LPP: variants seen among roughly 807,000 people sequenced by gnomAD.
LPP encodes LIM domain containing preferred translocation partner in lipoma.
In LPP, 38 loss-of-function variants were observed where a neutral mutation model predicts 60.4. That is an observed-to-expected ratio of 0.63 (90% CI 0.49 to 0.83). The LOEUF (loss-of-function observed/expected upper bound fraction) is 0.83. LPP is among the 40% of genes least tolerant of loss of function. LPP has a pLI of 0.00. For missense variants in LPP, 902 were observed against 783.6 expected, an observed-to-expected ratio of 1.15 and a Z score of -1.80; for synonymous variants, 328 against 290.8, an observed-to-expected ratio of 1.13 and a Z score of -1.30.
At chr3:188,230,901 G>A (rs1719697373) in intron 2 of LPP, among the ~76,000 whole-genome samples, 1 of 152,218 alleles carries the variant, frequency 6.6e-6, no homozygotes, top group Non-Finnish European at 1.5e-5. Context: ...TGGACCTGCA[G>A]TCTCACCGGA....
chr3:188,716,325 T>C (rs1713977592), intron 8 of LPP, among the ~76,000 whole-genome samples: 1 of 152,224 alleles, frequency 6.6e-6, no homozygotes, highest in South Asian at 2.1e-4. Context: ...GGTCACTTTA[T>C]TGGTTATGCC....
chr3:188,405,018 G>T (rs150297198), intron 3 of LPP, among the ~76,000 whole-genome samples: 1 of 152,292 alleles, frequency 6.6e-6, no homozygotes, highest in East Asian at 1.9e-4. Context: ...CAGCATCTGG[G>T]CTGGGCTGAT....
At chr3:188,808,662 G>C (rs116822651) in intron 9 of LPP, among the ~76,000 whole-genome samples, 3,550 of 152,036 alleles carry the variant, frequency 0.023, 123 homozygotes, top group African/African-American at 0.081. Context: ...ACTCTTTTTT[G>C]CTTTTTATTT....
intron 7 of LPP, among the ~76,000 whole-genome samples, chr3:188,622,932 G>A (rs1301727280): frequency 2.0e-5 from 3 of 151,220 alleles, no homozygotes; most frequent in African/African-American, 7.3e-5. Flanking sequence ...GGAGGCTGAG[G>A]CAGGGGAATC....
At chr3:188,718,178 T>A (rs1249831049) in intron 8 of LPP, among the ~76,000 whole-genome samples, 3 of 152,224 alleles carry the variant, frequency 2.0e-5, no homozygotes, top group Admixed American at 1.3e-4. Flanking sequence ...TAAAGAAGAA[T>A]GTGATCTTAG....
intron 9 of LPP, among the ~76,000 whole-genome samples, chr3:188,786,382 C>CAAAAAAAAAAAA (rs57565042): frequency 9.1e-5 from 7 of 76,646 alleles, no homozygotes; most frequent in African/African-American, 2.9e-4. Context: ...GACTCCGTCT[C>CAAAAAAAAAAAA]AAAAAAAAAA....
chr3:188,200,705 T>C (rs568637529), intron 1 of LPP, among the ~76,000 whole-genome samples: 1 of 152,256 alleles, frequency 6.6e-6, no homozygotes, highest in East Asian at 1.9e-4. Context: ...CCTAATTTAC[T>C]AGCTTTGAGG....
At chr3:188,399,268 A>G (rs1781683525) in intron 3 of LPP, among the ~76,000 whole-genome samples, 1 of 152,212 alleles carries the variant, frequency 6.6e-6, no homozygotes, top group Non-Finnish European at 1.5e-5. Flanking sequence ...CGTATAGCCC[A>G]GAGGGGAAAC....
At chr3:188,582,518 G>C (rs904972309) in intron 6 of LPP, among the ~76,000 whole-genome samples, 2 of 151,834 alleles carry the variant, frequency 1.3e-5, no homozygotes, top group Non-Finnish European at 2.9e-5. Flanking sequence ...TTGGGGAGGG[G>C]TGTCTTTCCT....
intron 5 of LPP, among the ~76,000 whole-genome samples, chr3:188,518,947 A>T (rs2150119237): frequency 6.6e-6 from 1 of 152,182 alleles, no homozygotes; most frequent in African/African-American, 2.4e-5. Context: ...CCTACCTTGA[A>T]ACCGAAATGA....
intron 7 of LPP, among the ~76,000 whole-genome samples, chr3:188,707,580 C>A (rs904921158): frequency 8.5e-5 from 13 of 152,194 alleles, no homozygotes; most frequent in Non-Finnish European, 4.4e-5. Flanking sequence ...TGAAATTACT[C>A]AACTTCCTTA....
intron 9 of LPP, among the ~76,000 whole-genome samples, chr3:188,795,064 G>A (rs1373502352): frequency 2.0e-5 from 3 of 152,178 alleles, no homozygotes; most frequent in African/African-American, 4.8e-5. Context: ...GAACCCGGGA[G>A]GTGGAGGTTG....
chr3:188,309,507 C>G (rs1752707518), intron 2 of LPP, among the ~76,000 whole-genome samples: 1 of 152,086 alleles, frequency 6.6e-6, no homozygotes, highest in Admixed American at 6.5e-5. Context: ...TCTGTTTAAA[C>G]GTTGCCCAAA....
chr3:188,218,931 GAT>G (rs1714727451), intron 1 of LPP, among the ~76,000 whole-genome samples: 1 of 152,156 alleles, frequency 6.6e-6, no homozygotes, highest in African/African-American at 2.4e-5. Context: ...GGCACAAAAA[GAT>G]GTAATGACTT....
chr3:188,268,773 C>T (rs1736544254), intron 2 of LPP, among the ~76,000 whole-genome samples: 1 of 152,230 alleles, frequency 6.6e-6, no homozygotes, highest in Non-Finnish European at 1.5e-5. Context: ...ATCATTCATT[C>T]TCCTCGTGGC....
At chr3:188,651,197 A>G (rs980670663) in intron 7 of LPP, among the ~76,000 whole-genome samples, 2 of 152,194 alleles carry the variant, frequency 1.3e-5, no homozygotes, top group African/African-American at 2.4e-5. Context: ...TTTCTGCCAT[A>G]TGCTGGGATA....
At chr3:188,635,143 A>T (rs1848495726) in intron 7 of LPP, among the ~76,000 whole-genome samples, 1 of 152,176 alleles carries the variant, frequency 6.6e-6, no homozygotes, top group Non-Finnish European at 1.5e-5. Context: ...TATTATTAAA[A>T]TATGTATTTT....
chr3:188,704,248 A>G (rs1053626606), intron 7 of LPP, among the ~76,000 whole-genome samples: 2 of 152,118 alleles, frequency 1.3e-5, no homozygotes, highest in Admixed American at 6.5e-5. Context: ...CTGAACTGTA[A>G]TAATCCACTC....
At chr3:188,254,897 C>T (rs1345957545) in intron 2 of LPP, among the ~76,000 whole-genome samples, 1 of 152,226 alleles carries the variant, frequency 6.6e-6, no homozygotes, top group Non-Finnish European at 1.5e-5. Flanking sequence ...CTCAACCATA[C>T]TTACCAGTCA....
Sources: allele counts gnomAD v4.1 joint callset (sites outside exome capture counted in the v4.1 genomes callset), GRCh38; gene constraint gnomAD v4.1.1; transcripts MANE v1.5; gene names NCBI Gene and HGNC (gene_info 2026-07-23, HGNC 2026-07-21).